BBOF1: variants seen among roughly 807,000 people sequenced by gnomAD.
BBOF1 encodes the protein basal body-orientation factor 1.
In BBOF1, 62 loss-of-function variants were observed where a neutral mutation model predicts 68.0. That is an observed-to-expected ratio of 0.91 (90% CI 0.74 to 1.13). The LOEUF (loss-of-function observed/expected upper bound fraction) is 1.13, where lower values mean the gene tolerates loss of function less well. BBOF1 is among the 50% of genes most tolerant of loss of function. BBOF1 has a pLI of 0.00. For missense variants in BBOF1, 534 were observed against 600.1 expected (o/e 0.89, Z 1.15); for synonymous variants, 208 against 198.8 (o/e 1.05, Z -0.39).
At position 74,050,177 on chromosome 14, in the gene BBOF1, T is replaced by G. The variant is rs142599851; in HGVS notation, c.1268T>G (p.Leu423Arg). ...AGCACCAATAGTGTGAATCAGGATC[T>G]TCTGGAGGCCGAAAAATGGTACTAG... ...EHSTNSVNQD[L>R]LEAEKWTHIE... The change falls in exon 8 of 12, where the codon CTT becomes CGT. Residue 423 changes from leucine to arginine, a missense_variant. By Grantham distance (102) the Leu-to-Arg change is moderately radical. Coordinates refer to ENST00000394009, the MANE Select transcript of BBOF1 (RefSeq NM_025057.3). The G allele has an allele frequency of 1.3e-6, 2 of 1,545,622 alleles. No homozygotes were observed. The highest frequency in any genetic ancestry group is 8.7e-7 in the Non-Finnish European group (1 of 1,147,160).
At position 74,023,945 on chromosome 14, in the gene BBOF1, AAAAG is replaced by A. The variant is rs1161059105; in HGVS notation, c.285+805_285+808del. 7.7e-3 allele frequency among the ~76,000 whole-genome samples: 1,143 copies of A among 147,914 alleles called. 9 individuals are homozygous for A. The highest frequency in any genetic ancestry group is 0.049 in the Middle Eastern group (13 of 266). ...CATCTCAAAAAAAAAAAAAAAAAAG[AAAAG>A]AAAAGAAAAAGGGAAGGGAACTAAC... On this transcript the variant is annotated intron_variant, in intron 2 of 11. Coordinates refer to ENST00000394009, the MANE Select transcript of BBOF1 (RefSeq NM_025057.3).
chr14:74,042,674 C>T (rs7153160), intron 5 of BBOF1, among the ~76,000 whole-genome samples: 57,454 of 151,794 alleles, frequency 0.38, 11,783 homozygotes, highest in East Asian at 0.82. Flanking sequence ...GAATGCTGGG[C>T]GGCACACACT....
At chr14:74,031,979 C>T (rs926335533) in intron 3 of BBOF1, 6 of 152,022 alleles carry the variant, frequency 3.9e-5, no homozygotes, top group African/African-American at 1.5e-4. Context: ...TATTGCTAGA[C>T]CAAAGAAAAA....
At chr14:74,025,648 A>G (rs956645828) in intron 2 of BBOF1, among the ~76,000 whole-genome samples, 61 of 152,322 alleles carry the variant, frequency 4.0e-4, no homozygotes, top group African/African-American at 1.4e-3. Context: ...GGATTGTCCC[A>G]GTTTATTTTT....
At chr14:74,030,414 T>A (rs1197316771) in intron 3 of BBOF1, among the ~76,000 whole-genome samples, 1 of 152,046 alleles carries the variant, frequency 6.6e-6, no homozygotes, top group Admixed American at 6.6e-5. Flanking sequence ...AGAGGTTGCT[T>A]TTTAAAAAAT....
intron 2 of BBOF1, among the ~76,000 whole-genome samples, chr14:74,026,444 C>CAAAAAAA (rs1166375665): frequency 2.7e-4 from 9 of 33,054 alleles, no homozygotes; most frequent in Admixed American, 7.5e-4. Context: ...AACTCCATCT[C>CAAAAAAA]AAAAAAAAAA....
chr14:74,057,145 G>C lies in BBOF1; in HGVS notation c.1465G>C (p.Asp489His), dbSNP rs760780073. 30 of 1,610,680 alleles carry C rather than the reference G, an allele frequency of 1.9e-5. No individual in the cohort carries two copies. The highest frequency in any genetic ancestry group is 2.5e-5 in the Non-Finnish European group (29 of 1,177,646). The change falls in exon 11 of 12, where the codon GAT (aspartate) becomes CAT (histidine). Residue 489 changes from aspartate (D) to histidine (H), a missense_variant and splice_region_variant. Asp to His is a moderately conservative substitution (Grantham distance 81). Transcript: ENST00000394009. Reference protein sequence around the residue: ...SDSGETKEFGDESKLQDKIFI... With the variant: ...SDSGETKEFGHESKLQDKIFI... ...TCTGTTATTTTGTCATTATTGCAGGGATGAAAGTAAGCTTCAAGATAAAAT... is the reference window on the plus strand; with the variant it reads ...TCTGTTATTTTGTCATTATTGCAGGCATGAAAGTAAGCTTCAAGATAAAAT...
At chr14:74,044,872 C>A (rs1367365915) in intron 5 of BBOF1, among the ~76,000 whole-genome samples, 7 of 152,140 alleles carry the variant, frequency 4.6e-5, no homozygotes, top group Non-Finnish European at 8.8e-5. Flanking sequence ...TTGCAGTGAG[C>A]TGAGATCACG....
Position 74,023,130 on chromosome 14 carries a change from G to A in BBOF1, c.271G>A (p.Glu91Lys). The A allele has an allele frequency of 6.3e-7, 1 of 1,578,940 alleles. No homozygotes were observed. The highest frequency in any genetic ancestry group is 8.6e-7 in the Non-Finnish European group (1 of 1,161,008). ...VLSYLKKQDQ[E>K]KDNMIEKLKQ... ...AAGTTACCTGAAGAAGCAGGATCAG[G>A]AGAAAGATAATATGGTAGGTAGGTA... The change falls in exon 2 of 12, where the codon GAG (glutamate) becomes AAG (lysine). Residue 91 changes from glutamate to lysine, a missense_variant. Transcript: ENST00000394009.
At chr14:74,027,051 C>T (rs2059446797) in intron 2 of BBOF1, among the ~76,000 whole-genome samples, 1 of 147,122 alleles carries the variant, frequency 6.8e-6, no homozygotes, top group Non-Finnish European at 1.5e-5. Flanking sequence ...CTAATAAACA[C>T]ATACATGAAT....
chr14:74,055,348 C>T (rs1161478372), intron 8 of BBOF1: 2 of 391,144 alleles, frequency 5.1e-6, no homozygotes, highest in African/African-American at 4.3e-5. Flanking sequence ...GAGCTTTCAT[C>T]ACATTGTCCA....
intron 4 of BBOF1, among the ~76,000 whole-genome samples, chr14:74,039,157 T>G (rs1370923665): frequency 6.6e-6 from 1 of 152,180 alleles, no homozygotes; most frequent in Non-Finnish European, 1.5e-5. Flanking sequence ...TAGAAACTTC[T>G]AAAAATAGCT....
At chr14:74,066,998 T>C, downstream of BBOF1, 1 of 1,043,948 alleles carries the variant, frequency 9.6e-7, no homozygotes, top group Non-Finnish European at 1.5e-6. Context: ...GGAGGACTGC[T>C]TGAGCCCAGG....
At chr14:74,025,582 A>G (rs1044967372) in intron 2 of BBOF1, among the ~76,000 whole-genome samples, 1 of 152,234 alleles carries the variant, frequency 6.6e-6, no homozygotes, top group Admixed American at 6.6e-5. Context: ...TTAATGCTGT[A>G]CTGAATTAAT....
At chr14:74,026,310 T>G (rs111814267) in intron 2 of BBOF1, among the ~76,000 whole-genome samples, 23,996 of 151,226 alleles carry the variant, frequency 0.16, 2,046 homozygotes, top group Admixed American at 0.21. Flanking sequence ...GGTGTGGTGG[T>G]GGGCACCTGT....
intron 3 of BBOF1, chr14:74,031,968 G>A (rs1367935129): frequency 6.6e-6 from 1 of 152,072 alleles, no homozygotes; most frequent in African/African-American, 2.4e-5. Context: ...ACTGTAAGTG[G>A]TATTGCTAGA....
chr14:74,039,997 C>T (rs1566802939), intron 4 of BBOF1, among the ~76,000 whole-genome samples: 1 of 151,232 alleles, frequency 6.6e-6, no homozygotes. Context: ...TCTTCCAAAA[C>T]ATATATATAT....
intron 10 of BBOF1, among the ~76,000 whole-genome samples, chr14:74,080,826 G>T (rs148696746): frequency 4.6e-5 from 7 of 152,268 alleles, no homozygotes; most frequent in African/African-American, 1.7e-4. Context: ...TTATTCCCTT[G>T]TTTAAAATTC....
chr14:74,057,159 T>G lies in BBOF1; in HGVS notation c.1479T>G (p.Leu493=), dbSNP rs927435973. The G allele has an allele frequency of 1.9e-6, 3 of 1,612,268 alleles. No individual in the cohort carries two copies. The African/African-American group carries it at 4.0e-5, about 22-fold the overall frequency. ...ETKEFGDESK[L]QDKIFITQQI... ...ATTATTGCAGGGATGAAAGTAAGCT[T>G]CAAGATAAAATCTTCATCACCCAGC... Residue 493 remains leucine (L), a synonymous_variant, in exon 11 of 12, where the codon CTT becomes CTG. Transcript: ENST00000394009.
Sources: allele counts gnomAD v4.1 joint callset (sites outside exome capture counted in the v4.1 genomes callset), GRCh38; gene constraint gnomAD v4.1.1; transcripts MANE v1.5; gene names NCBI Gene and HGNC (gene_info 2026-07-23, HGNC 2026-07-21).